The following ZBTB25 variants were observed in gnomAD, a reference collection of about 807,000 sequenced individuals.
ZBTB25 encodes zinc finger and BTB domain-containing protein 25.
ZBTB25 carries 20 observed loss-of-function variants against 34.2 expected under a neutral mutation model. That is an observed-to-expected ratio of 0.58 (90% CI 0.41 to 0.85). The LOEUF (loss-of-function observed/expected upper bound fraction) is 0.85. Ranked by LOEUF, ZBTB25 falls within the 40% of genes least tolerant of loss-of-function variation. ZBTB25 has a pLI of 0.00. For missense variants in ZBTB25, 437 were observed against 521.8 expected (o/e 0.84, Z 1.58); for synonymous variants, 175 against 186.4 (o/e 0.94, Z 0.50).
At chr14:64,468,479 A>G in intron 2 of ZBTB25, 1 of 1,614,122 alleles carries the variant, frequency 6.2e-7, no homozygotes, top group Non-Finnish European at 8.5e-7. Context: ...TGAAAGGCAG[A>G]AGGAAAAGGC....
At chr14:64,505,052 T>G (rs940861119), upstream of ZBTB25, 9 of 373,924 alleles carry the variant, frequency 2.4e-5, no homozygotes, top group Admixed American at 1.4e-4. Context: ...CGCCGATCCG[T>G]GCGGGGAGCC....
rs1052385975 is a variant in ZBTB25, at chr14:64,481,802, G to A, written c.*5121C>T. ...CATACAAACACAGAAGTACAGCAGA[G>A]AGAAATCATTTACAGACTTCACTCT... On this transcript the variant is annotated 3_prime_UTR_variant, in exon 3 of 3. Coordinates refer to ENST00000608382, the MANE Select transcript of ZBTB25 (RefSeq NM_006977.5). The A allele has an allele frequency of 3.3e-5, 5 of 152,150 alleles. No homozygotes were observed. Among genetic ancestry groups the A allele is most frequent in the African/African-American group, 9.7e-5 (4 of 41,424 alleles). 9.4% of individuals were successfully genotyped at this position (152,150 alleles called of 1,614,324 possible).
At chr14:64,498,002 CTT>C (rs1342910541) in intron 1 of ZBTB25, among the ~76,000 whole-genome samples, 1 of 152,128 alleles carries the variant, frequency 6.6e-6, no homozygotes, top group African/African-American at 2.4e-5. Context: ...ATATGTACAT[CTT>C]TTTTGAGCTA....
intron 1 of ZBTB25, among the ~76,000 whole-genome samples, chr14:64,493,491 C>T (rs2079160261): frequency 6.6e-6 from 1 of 151,944 alleles, no homozygotes; most frequent in Non-Finnish European, 1.5e-5. Context: ...CATCATTAGG[C>T]GTGAGTAAAG....
chr14:64,460,077 A>C, intron 2 of ZBTB25: 1 of 684,144 alleles, frequency 1.5e-6, no homozygotes, highest in Non-Finnish European at 2.4e-6. Context: ...TTGTGAGCTC[A>C]TTTGTCAGGC....
At chr14:64,504,920 C>T (rs2079617078), upstream of ZBTB25, 2 of 395,974 alleles carry the variant, frequency 5.1e-6, no homozygotes, top group Non-Finnish European at 4.5e-6. Flanking sequence ...CCTAAAATCT[C>T]CGCAGCTCTG....
At chr14:64,494,199 T>C (rs966691895) in intron 1 of ZBTB25, among the ~76,000 whole-genome samples, 5 of 152,114 alleles carry the variant, frequency 3.3e-5, no homozygotes, top group African/African-American at 9.7e-5. Flanking sequence ...ATGGCAATGG[T>C]GCAAAACACT....
At chr14:64,502,135 C>T (rs1306300656) in intron 1 of ZBTB25, among the ~76,000 whole-genome samples, 1 of 152,228 alleles carries the variant, frequency 6.6e-6, no homozygotes, top group Non-Finnish European at 1.5e-5. Flanking sequence ...TCTACGAAAG[C>T]AGCTAGTATG....
chr14:64,505,153 C>T, upstream of ZBTB25: 1 of 338,160 alleles, frequency 3.0e-6, no homozygotes, highest in African/African-American at 2.2e-5. Context: ...GGGCGTGCGG[C>T]CTCCCTGAGT....
chr14:64,495,009 A>G (rs2079219657), intron 1 of ZBTB25, among the ~76,000 whole-genome samples: 1 of 152,060 alleles, frequency 6.6e-6, no homozygotes, highest in South Asian at 2.1e-4. Flanking sequence ...GAGATTTCCT[A>G]TTTGTTCACA....
intron 2 of ZBTB25, chr14:64,460,927 G>A (rs1322028927): frequency 6.6e-6 from 1 of 152,196 alleles, no homozygotes; most frequent in African/African-American, 2.4e-5. Flanking sequence ...TTGGGAGGCT[G>A]AGGTACGAGA....
At chr14:64,451,587 T>C (rs1309728157) in intron 2 of ZBTB25, among the ~76,000 whole-genome samples, 1 of 152,264 alleles carries the variant, frequency 6.6e-6, no homozygotes, top group East Asian at 1.9e-4. Flanking sequence ...AAAGCATTTA[T>C]AGGCACCCTC....
In ZBTB25 at chr14:64,487,906, G is replaced by A. The variant is rs746685188; in HGVS notation, c.325C>T (p.His109Tyr). The A allele has an allele frequency of 1.1e-5, 17 of 1,614,076 alleles. No homozygotes were observed. Among genetic ancestry groups the A allele is most frequent in the Non-Finnish European group, 1.4e-5 (17 of 1,180,038 alleles). ...ACTTGATTCATTTCAGTTGCAATGT[G>A]AGAAAGGTAGTCGGCGTGAAGAAAT... is the stretch of plus-strand genomic sequence containing the variant. ...IRFLHADYLS[H>Y]IATEMNQVFS... Residue 109 changes from histidine to tyrosine, a missense_variant, in exon 3 of 3, where the codon CAC becomes TAC. His to Tyr is a moderately conservative substitution (Grantham distance 83). Transcript: ENST00000608382.
intron 2 of ZBTB25, among the ~76,000 whole-genome samples, chr14:64,463,807 C>T (rs1035450266): frequency 6.6e-6 from 1 of 152,094 alleles, no homozygotes; most frequent in Non-Finnish European, 1.5e-5. Context: ...CCTGTCTTCA[C>T]CTAAATAAGC....
intron 2 of ZBTB25, chr14:64,467,713 G>C (rs2078625769): frequency 6.6e-6 from 1 of 151,926 alleles, no homozygotes; most frequent in Admixed American, 6.6e-5. Flanking sequence ...GGCTGGATTT[G>C]AGTAATCTCA....
At chr14:64,490,294 G>T (rs1399343633) in intron 2 of ZBTB25, 67 bp downstream of exon 2, 4 of 1,044,620 alleles carry the variant, frequency 3.8e-6, no homozygotes, top group Middle Eastern at 3.6e-4. Context: ...TTTCCAAAAT[G>T]ATACTATAAT....
At chr14:64,493,078 T>G (rs771449190) in intron 1 of ZBTB25, among the ~76,000 whole-genome samples, 3 of 152,108 alleles carry the variant, frequency 2.0e-5, no homozygotes, top group Non-Finnish European at 4.4e-5. Flanking sequence ...ACAGAAGGAT[T>G]CAGCTTGGCA....
chr14:64,488,257 C>G (rs539013976), intron 2 of ZBTB25, among the ~76,000 whole-genome samples, 200 bp from the exon 3 acceptor site: 1 of 152,210 alleles, frequency 6.6e-6, no homozygotes, highest in South Asian at 2.1e-4. Flanking sequence ...TTCATGTATT[C>G]AATCTACTGC....
At chr14:64,495,428 T>C (rs1309696128) in intron 1 of ZBTB25, among the ~76,000 whole-genome samples, 1 of 152,212 alleles carries the variant, frequency 6.6e-6, no homozygotes, top group East Asian at 1.9e-4. Context: ...ACATTCTTTC[T>C]AGGATTTTCT....
Sources: allele counts gnomAD v4.1 joint callset (sites outside exome capture counted in the v4.1 genomes callset), GRCh38; gene constraint gnomAD v4.1.1; transcripts MANE v1.5; gene names NCBI Gene and HGNC (gene_info 2026-07-23, HGNC 2026-07-21).